The following CCN5 variants were observed in gnomAD, a reference collection of about 807,000 sequenced individuals.
CCN5 encodes cellular communication network factor 5, also known as CCN family member 5.
In CCN5, 17 loss-of-function variants were observed where a neutral mutation model predicts 18.7. The observed-to-expected ratio is 0.91, with a 90% CI of 0.62 to 1.36. The LOEUF (loss-of-function observed/expected upper bound fraction) is 1.36. Among genes scored for constraint, CCN5 ranks in the 40% most tolerant of loss-of-function variants. The pLI, the probability that CCN5 is intolerant of heterozygous loss-of-function variation, is 0.00. For missense variants in CCN5, 367 were observed against 342.9 expected (o/e 1.07, Z -0.56); for synonymous variants, 135 against 145.2 (o/e 0.93, Z 0.50).
intron 1 of CCN5, among the ~76,000 whole-genome samples, chr20:44,717,172 A>G (rs1390828998): frequency 6.6e-6 from 1 of 152,148 alleles, no homozygotes; most frequent in Non-Finnish European, 1.5e-5. Context: ...CTGTGTTACT[A>G]CACGGTTTGA....
At chr20:44,715,621 G>T (rs1043811946) in intron 1 of CCN5, among the ~76,000 whole-genome samples, 171 bp downstream of exon 1, 2 of 152,204 alleles carry the variant, frequency 1.3e-5, no homozygotes, top group African/African-American at 4.8e-5. Context: ...ACTCAGAGCT[G>T]CCTCCGGCCA....
At chr20:44,722,920 CT>C (rs1294745601) in intron 2 of CCN5, among the ~76,000 whole-genome samples, 2 of 152,236 alleles carry the variant, frequency 1.3e-5, no homozygotes, top group African/African-American at 4.8e-5. Context: ...CATCTCCCTC[CT>C]TCTGTCGTTG....
chr20:44,722,431 G>C (rs1036689604), intron 2 of CCN5, among the ~76,000 whole-genome samples: 2 of 151,374 alleles, frequency 1.3e-5, no homozygotes, highest in African/African-American at 4.9e-5. Flanking sequence ...CTCAAGACCT[G>C]GGAGTCGTTC....
In CCN5 at chr20:44,720,116, A is replaced by G. The variant is rs1306307965; in HGVS notation, c.277+3A>G. 6.5e-7 allele frequency: 1 copy of G among 1,544,146 alleles called. No homozygotes were observed. Among genetic ancestry groups the G allele is most frequent in the South Asian group, 1.2e-5 (1 of 84,846 alleles). On this transcript the variant is annotated splice_donor_region_variant and intron_variant, in intron 2 of 3. Transcript: ENST00000190983. ...TGGCCGGGGGGCCCTGTGCCTCTGT[A>G]AGCAGGTTTGCAGGACTGAGTGGGG... is the stretch of plus-strand genomic sequence containing the variant.
chr20:44,727,309 G>C lies in CCN5; in HGVS notation c.*2G>C. On this transcript the variant is annotated 3_prime_UTR_variant, in exon 4 of 4. Transcript: ENST00000190983. ...AGTCCACAAAACAGTGCCTTCTAGA[G>C]CCGGGCTGGGAATGGGGACACGGTG... 1 of 1,604,910 alleles carries C rather than the reference G, an allele frequency of 6.2e-7. No homozygotes were observed. The highest frequency in any genetic ancestry group is 8.5e-7 in the Non-Finnish European group (1 of 1,174,228).
upstream of CCN5, chr20:44,715,096 G>A (rs74635038): frequency 3.8e-3 from 1,091 of 287,666 alleles, 1 homozygote; most frequent in Non-Finnish European, 5.4e-3. Flanking sequence ...ACACACACGC[G>A]CACACACACA....
Position 44,727,135 on chromosome 20 carries a change from G to A in CCN5, c.581G>A (p.Cys194Tyr), listed in dbSNP as rs2065941484. ...LVSSLPPGVPCPEWSTAWGPC... is the reference protein window; with the variant it reads ...LVSSLPPGVPYPEWSTAWGPC... ...TCTTCCCTGCCCCCTGGTGTCCCCT[G>A]CCCAGAATGGAGCACGGCCTGGGGA... Residue 194 changes from cysteine (C) to tyrosine (Y), a missense_variant, in exon 4 of 4, where the codon TGC becomes TAC. Physicochemically the swap from Cys to Tyr is radical, Grantham distance 194 (BLOSUM62 -2). Coordinates refer to ENST00000190983, the MANE Select transcript of CCN5 (RefSeq NM_003881.4). The A allele has an allele frequency of 6.2e-7, 1 of 1,611,942 alleles. No individual in the cohort carries two copies. Among genetic ancestry groups the A allele is most frequent in the Non-Finnish European group, 8.5e-7 (1 of 1,178,898 alleles).
intron 2 of CCN5, chr20:44,724,511 T>TG (rs1336177959): frequency 1.0e-5 from 6 of 591,428 alleles, no homozygotes; most frequent in Middle Eastern, 4.5e-4. Context: ...GGGCAGAGTT[T>TG]GGGGGGTCAA....
At chr20:44,715,092 A>G (rs75565962), upstream of CCN5, 153 of 236,234 alleles carry the variant, frequency 6.5e-4, no homozygotes, top group African/African-American at 2.6e-3. Flanking sequence ...ACACACACAC[A>G]CGCGCACACA....
At position 44,719,999 on chromosome 20, in the gene CCN5, G is replaced by T. The variant is rs773357339; in HGVS notation, c.163G>T (p.Val55Leu). ...LVLDGCGCCR[V>L]CARRLGEPCD... ...GCTGGATGGCTGTGGCTGCTGCCGGGTATGTGCACGGCGGCTGGGGGAGCC... is the reference window on the plus strand; with the variant it reads ...GCTGGATGGCTGTGGCTGCTGCCGGTTATGTGCACGGCGGCTGGGGGAGCC... Residue 55 changes from valine (V) to leucine (L), a missense_variant, in exon 2 of 4, where the codon GTA (valine) becomes TTA (leucine). Coordinates refer to ENST00000190983, the MANE Select transcript of CCN5 (RefSeq NM_003881.4). 1.2e-6 allele frequency: 2 copies of T among 1,611,894 alleles called. No homozygotes were observed. Among genetic ancestry groups the T allele is most frequent in the African/African-American group, 2.7e-5 (2 of 75,042 alleles).
intron 1 of CCN5, among the ~76,000 whole-genome samples, chr20:44,719,090 A>G (rs1041672489): frequency 3.3e-5 from 5 of 152,136 alleles, no homozygotes; most frequent in African/African-American, 1.2e-4. Context: ...ACCAGACCCT[A>G]CCATTTTCAT....
intron 1 of CCN5, 92 bp from the exon 2 acceptor site, chr20:44,719,805 C>T (rs929982147): frequency 3.0e-5 from 41 of 1,380,108 alleles, no homozygotes; most frequent in Non-Finnish European, 3.8e-5. Context: ...GTGGACACCA[C>T]ACTACCCAGC....
At chr20:44,717,448 G>A (rs6031760) in intron 1 of CCN5, among the ~76,000 whole-genome samples, 2 of 152,176 alleles carry the variant, frequency 1.3e-5, no homozygotes, top group Admixed American at 6.5e-5. Flanking sequence ...CCTGTTTTCA[G>A]GTGGGAGGGA....
At chr20:44,720,996 A>G (rs1174375633) in intron 2 of CCN5, 1 of 152,188 alleles carries the variant, frequency 6.6e-6, no homozygotes, top group South Asian at 2.1e-4. Context: ...AAATTTCCCC[A>G]GGGGGCAAAA....
rs776942780 is a variant in CCN5 at position 44,719,990 on chromosome 20, T to G, written c.154T>G (p.Cys52Gly). ...ACCCCTGGTGCTGGATGGCTGTGGC[T>G]GCTGCCGGGTATGTGCACGGCGGCT... ...GVPLVLDGCG[C>G]CRVCARRLGE... Residue 52 changes from cysteine to glycine, a missense_variant, in exon 2 of 4, where the codon TGC becomes GGC. Cys to Gly is a radical substitution (Grantham distance 159). Transcript: ENST00000190983. 1.2e-6 allele frequency: 2 copies of G among 1,612,914 alleles called. No individual in the cohort carries two copies. Among genetic ancestry groups the G allele is most frequent in the Middle Eastern group, 1.7e-4 (1 of 6,046 alleles).
rs1461231117 is a variant in CCN5 at position 44,727,407 on chromosome 20, G to T, written c.*100G>T. The T allele has an allele frequency of 2.1e-6, 3 of 1,453,712 alleles. No homozygotes were observed. The East Asian group carries it at 7.6e-5, about 37-fold the overall frequency. The allele number at this position is 1,453,712 out of a possible 1,614,324, so 90.1% of individuals were successfully genotyped here. On this transcript the variant is annotated 3_prime_UTR_variant, in exon 4 of 4. Transcript: ENST00000190983. Reference sequence around the variant, plus strand: ...GAAGATGGTCCGTGCCCAGGCCCTTGGCTGCAGGCAACACTTTAGCTTGGG... The same window carrying T: ...GAAGATGGTCCGTGCCCAGGCCCTTTGCTGCAGGCAACACTTTAGCTTGGG...
chr20:44,718,085 G>A (rs74174914), intron 1 of CCN5, among the ~76,000 whole-genome samples: 7,602 of 152,150 alleles, frequency 0.05, 244 homozygotes, highest in Non-Finnish European at 0.066. Flanking sequence ...AGCCTGCAGC[G>A]ATGGGATCCA....
chr20:44,727,764 CT>C lies in CCN5; in HGVS notation c.*461del. The C allele has an allele frequency of 3.9e-6, 1 of 256,366 alleles. No individual in the cohort carries two copies. The allele number at this position is 256,366 out of a possible 1,614,324, so 15.9% of individuals were successfully genotyped here. A position where few individuals can be genotyped will look rare whatever the true frequency, so the allele number is the denominator to read the frequency against. ...ACAGAGATTCTGGATCTCCTGCTGC[CT>C]TTTCTGGAGTTTGTAAAATTGTTCC... On this transcript the variant is annotated 3_prime_UTR_variant, in exon 4 of 4. Coordinates refer to ENST00000190983, the MANE Select transcript of CCN5 (RefSeq NM_003881.4).
rs148707025 is a variant in CCN5 at position 44,722,726 on chromosome 20, G to A, written c.278-2012G>A. On this transcript the variant is annotated intron_variant, in intron 2 of 3. Transcript: ENST00000190983. ...TGACCTCAAGTGATCCACCCGCCTC[G>A]GCCTCCCTAAGTGCTGGGATTATAG... 3.6e-3 allele frequency among the ~76,000 whole-genome samples: 545 copies of A among 151,994 alleles called. 1 individual carries two copies. The highest frequency in any genetic ancestry group is 0.013 in the African/African-American group (522 of 41,420).
Sources: allele counts gnomAD v4.1 joint callset (sites outside exome capture counted in the v4.1 genomes callset), GRCh38; gene constraint gnomAD v4.1.1; transcripts MANE v1.5; gene names NCBI Gene and HGNC (gene_info 2026-07-23, HGNC 2026-07-21).